MAPK4: variants seen among roughly 807,000 people sequenced by gnomAD.
The protein encoded by MAPK4 is Erk3-related.
A neutral mutation model predicts 47.7 loss-of-function variants in MAPK4; 22 were observed. The ratio of observed to expected loss-of-function variants is 0.46; its 90% CI spans 0.33 to 0.66. The LOEUF (loss-of-function observed/expected upper bound fraction) is 0.66, where lower values mean the gene tolerates loss of function less well. Ranked by LOEUF, MAPK4 falls within the 30% of genes least tolerant of loss-of-function variation. The probability of loss-of-function intolerance (pLI) is 0.02; values close to 1 mark genes in which losing one functional copy is unlikely to be tolerated. For synonymous variants in MAPK4, 390 were observed against 365.7 expected (o/e 1.07, Z -0.76); for missense variants, 736 against 831.7 (o/e 0.88, Z 1.42).
chr18:50,579,097 C>A (rs2042321813), intron 1 of MAPK4, among the ~76,000 whole-genome samples: 2 of 152,134 alleles, frequency 1.3e-5, no homozygotes, highest in African/African-American at 4.8e-5. Context: ...TGGGGCTGAT[C>A]TGAAGGCAAG....
intron 2 of MAPK4, among the ~76,000 whole-genome samples, chr18:50,713,217 ACT>A (rs1188154742): frequency 6.6e-6 from 1 of 152,152 alleles, no homozygotes; most frequent in Non-Finnish European, 1.5e-5. Context: ...TTTTGTCAAA[ACT>A]CACAGAACTG....
At chr18:50,626,552 A>AAG (rs2042780211) in intron 1 of MAPK4, among the ~76,000 whole-genome samples, 6 of 152,048 alleles carry the variant, frequency 3.9e-5, no homozygotes, top group African/African-American at 1.4e-4. Context: ...TCAAGGTGTC[A>AAG]CATGTGGCCC....
At chr18:50,617,457 G>A (rs187273798) in intron 1 of MAPK4, among the ~76,000 whole-genome samples, 1 of 152,282 alleles carries the variant, frequency 6.6e-6, no homozygotes, top group East Asian at 1.9e-4. Flanking sequence ...TGTCAAACAT[G>A]ACTTTCCAGG....
chr18:50,650,916 C>T (rs190632688), intron 1 of MAPK4, among the ~76,000 whole-genome samples: 53 of 152,334 alleles, frequency 3.5e-4, no homozygotes, highest in Non-Finnish European at 2.6e-4. Flanking sequence ...GGTTCCCCTT[C>T]CTCACCTGAC....
At chr18:50,725,547 G>A (rs1035366091) in intron 4 of MAPK4, among the ~76,000 whole-genome samples, 1 of 152,208 alleles carries the variant, frequency 6.6e-6, no homozygotes, top group Admixed American at 6.5e-5. Flanking sequence ...GGCCCACACT[G>A]TCTCTGGAGG....
intron 1 of MAPK4, among the ~76,000 whole-genome samples, chr18:50,623,021 G>C (rs1014413333): frequency 6.6e-6 from 1 of 152,200 alleles, no homozygotes; most frequent in African/African-American, 2.4e-5. Context: ...ACATGTGGAC[G>C]CAACTGTTAG....
intron 4 of MAPK4, among the ~76,000 whole-genome samples, chr18:50,723,202 C>G (rs1286118780): frequency 6.6e-6 from 1 of 152,202 alleles, no homozygotes; most frequent in African/African-American, 2.4e-5. Context: ...GCCATCAGGT[C>G]TGCCATCTTC....
At chr18:50,572,131 T>C (rs930312463) in intron 1 of MAPK4, among the ~76,000 whole-genome samples, 1 of 152,228 alleles carries the variant, frequency 6.6e-6, no homozygotes, top group Non-Finnish European at 1.5e-5. Context: ...GAAGTTTCAA[T>C]ACTTGCAGTG....
intron 1 of MAPK4, among the ~76,000 whole-genome samples, chr18:50,654,173 A>AC (rs1288737059): frequency 6.6e-6 from 1 of 152,238 alleles, no homozygotes; most frequent in African/African-American, 2.4e-5. Context: ...CCATGGGCTA[A>AC]CCCTGCAGGT....
chr18:50,645,655 A>C (rs531441991), intron 1 of MAPK4, among the ~76,000 whole-genome samples: 5 of 152,326 alleles, frequency 3.3e-5, no homozygotes, highest in African/African-American at 9.6e-5. Context: ...ATGGCAAGCC[A>C]ATGGGAATTT....
chr18:50,589,898 G>A (rs1303071006), intron 1 of MAPK4, among the ~76,000 whole-genome samples: 2 of 152,200 alleles, frequency 1.3e-5, no homozygotes, highest in Non-Finnish European at 2.9e-5. Context: ...CCTCTCACCT[G>A]CAAATTTGCA....
chr18:50,583,504 G>T (rs1779338103), intron 1 of MAPK4, among the ~76,000 whole-genome samples: 1 of 152,308 alleles, frequency 6.6e-6, no homozygotes. Context: ...CATAAAAATT[G>T]TTTGAGCCCA....
rs190103519 is a variant in MAPK4, at chr18:50,632,560, A to G, written c.-870-30529A>G. Among the ~76,000 whole-genome samples, 73 of 149,850 alleles carry G rather than the reference A, an allele frequency of 4.9e-4. 1 individual carries two copies. The South Asian group carries it at 0.011, about 23-fold the overall frequency. On this transcript the variant is annotated intron_variant, in intron 1 of 5. Coordinates refer to ENST00000400384, the MANE Select transcript of MAPK4 (RefSeq NM_002747.4). Reference sequence around the variant, plus strand: ...CTCGTTATGGAATTTTGTGAGTTATATTATACACCTCTGGACTTTAATCAT... The same window carrying G: ...CTCGTTATGGAATTTTGTGAGTTATGTTATACACCTCTGGACTTTAATCAT...
At chr18:50,718,215 A>G (rs1045954130) in intron 3 of MAPK4, among the ~76,000 whole-genome samples, 1 of 152,138 alleles carries the variant, frequency 6.6e-6, no homozygotes, top group African/African-American at 2.4e-5. Context: ...AATAGCTAAG[A>G]AAGTCTTTAT....
Position 50,715,165 on chromosome 18 carries a change from CAT to C in MAPK4, c.634_635del (p.Met212ValfsTer9), listed in dbSNP as rs754975124. The C allele has an allele frequency of 6.2e-7, 1 of 1,614,214 alleles. No individual in the cohort carries two copies. The highest frequency in any genetic ancestry group is 2.2e-5 in the East Asian group (1 of 44,876). On this transcript the variant is annotated frameshift_variant, in exon 3 of 6. Transcript: ENST00000400384. LOFTEE classifies it high-confidence loss of function. ...CCAATAACTACACCAAAGCCATCGA[CAT>C]GTGGGCCGCCGGCTGCATCCTGGCT... is the stretch of plus-strand genomic sequence containing the variant. ...SPNNYTKAID[M>X]WAAGCILAEM...
At chr18:50,598,588 A>G (rs1177200947) in intron 1 of MAPK4, among the ~76,000 whole-genome samples, 1 of 152,250 alleles carries the variant, frequency 6.6e-6, no homozygotes, top group Admixed American at 6.5e-5. Context: ...AAACATGTCC[A>G]TATGCCTTTA....
intron 2 of MAPK4, among the ~76,000 whole-genome samples, chr18:50,710,716 C>T (rs1020758813): frequency 6.6e-6 from 1 of 151,368 alleles, no homozygotes; most frequent in African/African-American, 2.4e-5. Flanking sequence ...GGAGGCGGAG[C>T]TTGCAGTGAG....
chr18:50,621,073 T>C (rs140284190), intron 1 of MAPK4, among the ~76,000 whole-genome samples: 100 of 152,314 alleles, frequency 6.6e-4, no homozygotes, highest in Middle Eastern at 6.8e-3. Flanking sequence ...GGGTTTTATA[T>C]ACATTCACTC....
At chr18:50,565,312 C>G (rs2042189126) in intron 1 of MAPK4, among the ~76,000 whole-genome samples, 1 of 152,136 alleles carries the variant, frequency 6.6e-6, no homozygotes, top group Non-Finnish European at 1.5e-5. Context: ...AGGGATCGTT[C>G]CGGTTTAGCA....
Sources: allele counts gnomAD v4.1 joint callset (sites outside exome capture counted in the v4.1 genomes callset), GRCh38; gene constraint gnomAD v4.1.1; transcripts MANE v1.5; gene names NCBI Gene and HGNC (gene_info 2026-07-23, HGNC 2026-07-21).